RAB11FIP3: variants seen among roughly 807,000 people sequenced by gnomAD.
The protein encoded by RAB11FIP3 is RAB11 family interacting protein 3.
In RAB11FIP3, 17 loss-of-function variants were observed where a neutral mutation model predicts 77.8. The ratio of observed to expected loss-of-function variants is 0.22; its 90% CI spans 0.15 to 0.33. RAB11FIP3 has a LOEUF of 0.33. Among genes scored for constraint, RAB11FIP3 ranks in the 10% least tolerant of loss-of-function variants. The probability of loss-of-function intolerance (pLI) is 1.00; values close to 1 mark genes in which losing one functional copy is unlikely to be tolerated. For missense variants in RAB11FIP3, 1,005 were observed against 1,011.2 expected, an observed-to-expected ratio of 0.99 and a Z score of 0.08; for synonymous variants, 437 against 448.2, an observed-to-expected ratio of 0.98 and a Z score of 0.31.
At chr16:468,484 A>G (rs1020186319) in intron 2 of RAB11FIP3, among the ~76,000 whole-genome samples, 1 of 152,104 alleles carries the variant, frequency 6.6e-6, no homozygotes, top group African/African-American at 2.4e-5. Flanking sequence ...CATAGCATTT[A>G]GAAGAAAGGA....
intron 5 of RAB11FIP3, among the ~76,000 whole-genome samples, chr16:492,425 C>A (rs8051171): frequency 4.6e-5 from 2 of 43,220 alleles, no homozygotes; most frequent in African/African-American, 1.3e-4. Context: ...CCAGGGCCCT[C>A]CCCGGGAGAC....
Position 426,101 on chromosome 16 carries a change from TG to T in RAB11FIP3, c.97del (p.Ala33LeufsTer207). On this transcript the variant is annotated frameshift_variant, in exon 1 of 14. Transcript: ENST00000262305. LOFTEE classifies it high-confidence loss of function. The surrounding 1 kb of genome is among the most constrained non-coding windows in gnomAD (Gnocchi z 5.0). ...GGPDGPGAAQ[L>X]APGPAELRLG... Reference sequence around the variant, plus strand: ...CCGGACGGGCCGGGGGCGGCACAACTGGCTCCGGGCCCTGCGGAGCTACGCC... The same window carrying T: ...CCGGACGGGCCGGGGGCGGCACAACTGCTCCGGGCCCTGCGGAGCTACGCC... The T allele has an allele frequency of 1.0e-6, 1 of 1,003,374 alleles. No individual in the cohort carries two copies. The highest frequency in any genetic ancestry group is 1.2e-6 in the Non-Finnish European group (1 of 843,670). 62.2% of individuals were successfully genotyped at this position (1,003,374 alleles called of 1,614,324 possible).
At chr16:474,688 T>C in intron 3 of RAB11FIP3, among the ~76,000 whole-genome samples, 1 of 152,064 alleles carries the variant, frequency 6.6e-6, no homozygotes, top group African/African-American at 2.4e-5. Context: ...CTTAGTGAAA[T>C]GATAGTGAAA....
chr16:489,740 C>A (rs1174102795), intron 5 of RAB11FIP3, among the ~76,000 whole-genome samples: 1 of 152,248 alleles, frequency 6.6e-6, no homozygotes, highest in Non-Finnish European at 1.5e-5. Context: ...CCCGCTGTTA[C>A]TGAGGCCCAG....
intron 5 of RAB11FIP3, among the ~76,000 whole-genome samples, chr16:490,727 A>G (rs1419994709): frequency 6.6e-6 from 1 of 152,232 alleles, no homozygotes; most frequent in Non-Finnish European, 1.5e-5. Flanking sequence ...TAGTACAGTA[A>G]GTACAAGTTT....
intron 11 of RAB11FIP3, 113 bp from the exon 12 acceptor site, chr16:520,009 G>A: frequency 6.6e-7 from 1 of 1,520,832 alleles, no homozygotes; most frequent in Non-Finnish European, 8.9e-7. Flanking sequence ...GCTGGTGTGT[G>A]TCGTCCTCCC....
intron 1 of RAB11FIP3, among the ~76,000 whole-genome samples, chr16:435,539 A>G (rs2055113943): frequency 6.6e-6 from 1 of 152,244 alleles, no homozygotes; most frequent in African/African-American, 2.4e-5. Context: ...ACAACCAGGT[A>G]GAATTGAAAG....
chr16:495,997 G>A (rs867598971), intron 5 of RAB11FIP3, among the ~76,000 whole-genome samples: 3 of 152,116 alleles, frequency 2.0e-5, no homozygotes, highest in Non-Finnish European at 2.9e-5. Flanking sequence ...AGATCCACCC[G>A]CCTCAGCCTC....
intron 5 of RAB11FIP3, among the ~76,000 whole-genome samples, chr16:491,987 G>A (rs1387300713): frequency 6.6e-6 from 1 of 152,174 alleles, no homozygotes; most frequent in African/African-American, 2.4e-5. Context: ...CCTGGCCTGT[G>A]GGGAGGGTTT....
intron 4 of RAB11FIP3, among the ~76,000 whole-genome samples, chr16:484,497 G>A (rs969354644): frequency 5.3e-5 from 8 of 152,040 alleles, no homozygotes; most frequent in African/African-American, 1.2e-4. Context: ...GATTACAGGC[G>A]CCCGCCACCA....
At position 432,839 on chromosome 16, in the gene RAB11FIP3, C is replaced by G. The variant is rs147081014; in HGVS notation, c.714+6119C>G. 2.1e-3 allele frequency among the ~76,000 whole-genome samples: 313 copies of G among 151,482 alleles called. 2 individuals are homozygous for G. Among genetic ancestry groups the G allele is most frequent in the African/African-American group, 7.5e-3 (308 of 41,308 alleles). ...CAGGCTGGTCTCAAACTCTTGACCTCGTGATCCACCCGCCTTGGCCTCCCA... is the reference window on the plus strand; with the variant it reads ...CAGGCTGGTCTCAAACTCTTGACCTGGTGATCCACCCGCCTTGGCCTCCCA... On this transcript the variant is annotated intron_variant, in intron 1 of 13. Coordinates refer to ENST00000262305, the MANE Select transcript of RAB11FIP3 (RefSeq NM_014700.4).
At chr16:456,783 AAAC>A (rs1358680438) in intron 1 of RAB11FIP3, among the ~76,000 whole-genome samples, 18 of 152,280 alleles carry the variant, frequency 1.2e-4, no homozygotes, top group Middle Eastern at 3.4e-3. Flanking sequence ...ACCAACAAAA[AAAC>A]AACAACAAAT....
intron 6 of RAB11FIP3, among the ~76,000 whole-genome samples, chr16:498,597 C>T (rs964620118): frequency 5.3e-5 from 8 of 152,180 alleles, no homozygotes; most frequent in African/African-American, 1.7e-4. Flanking sequence ...ATAGTTTTCA[C>T]TTCCCAGACC....
rs116714407 is a variant in RAB11FIP3 at position 458,285 on chromosome 16, T to G, written c.715-3119T>G. 6.1e-3 allele frequency among the ~76,000 whole-genome samples: 932 copies of G among 152,326 alleles called. 10 individuals carry two copies. Among genetic ancestry groups the G allele is most frequent in the African/African-American group, 0.021 (883 of 41,588 alleles). On this transcript the variant is annotated intron_variant, in intron 1 of 13. Coordinates refer to ENST00000262305, the MANE Select transcript of RAB11FIP3 (RefSeq NM_014700.4). ...ACCACGTGCTACACCCCCCATCCTT[T>G]TCCTGAAACAGAGCAGCTGTGTCCT...
At chr16:467,394 G>A (rs557687623) in intron 2 of RAB11FIP3, among the ~76,000 whole-genome samples, 8 of 152,070 alleles carry the variant, frequency 5.3e-5, no homozygotes, top group East Asian at 1.9e-4. Context: ...TGGAGTGGGC[G>A]TCAGGGAGGA....
At position 514,707 on chromosome 16, in the gene RAB11FIP3, G is replaced by A. The variant is rs2032326030; in HGVS notation, c.1640+3907G>A. The stretch of plus-strand genomic sequence containing the variant: ...TCTAGGAAAGGCCAGGTACCTCTGG[G>A]AGTGGGGCCCCCAGGGGCTTCCAGA... On this transcript the variant is annotated intron_variant, in intron 9 of 13. Coordinates refer to ENST00000262305, the MANE Select transcript of RAB11FIP3 (RefSeq NM_014700.4). This position sits in a 1 kb window ranked among gnomAD's most constrained non-coding sequence, Gnocchi z 4.6. Among the ~76,000 whole-genome samples, 1 of 152,220 alleles carries A rather than the reference G, an allele frequency of 6.6e-6. No individual in the cohort carries two copies. The highest frequency in any genetic ancestry group is 6.5e-5 in the Admixed American group (1 of 15,282).
chr16:490,676 A>G (rs1596267360), intron 5 of RAB11FIP3, among the ~76,000 whole-genome samples: 1 of 152,332 alleles, frequency 6.6e-6, no homozygotes, highest in Middle Eastern at 3.4e-3. Flanking sequence ...TCATTCATGC[A>G]TAGTTTTTGC....
intron 6 of RAB11FIP3, chr16:502,761 AAGACTCTG>A: frequency 3.6e-6 from 2 of 549,160 alleles, no homozygotes; most frequent in Non-Finnish European, 6.3e-6. Flanking sequence ...GAGCGCCAGG[AAGACTCTG>A]AGACCACAGA....
intron 2 of RAB11FIP3, among the ~76,000 whole-genome samples, chr16:462,695 TC>T (rs1317824199): frequency 3.3e-5 from 1 of 30,266 alleles, no homozygotes; most frequent in African/African-American, 1.4e-4. Flanking sequence ...CCTTCCCCAG[TC>T]CCCCGGCACC....
Sources: allele counts gnomAD v4.1 joint callset (sites outside exome capture counted in the v4.1 genomes callset), GRCh38; gene constraint gnomAD v4.1.1; non-coding constraint Gnocchi (gnomAD v3.1); transcripts MANE v1.5; gene names NCBI Gene and HGNC (gene_info 2026-07-23, HGNC 2026-07-21).